Variants in MYO6 observed in about 807,000 individuals in gnomAD.
MYO6 encodes the protein unconventional myosin-VI.
Under a neutral mutation model 178.7 loss-of-function variants are expected in MYO6, and 74 were observed. The observed-to-expected ratio is 0.41, with a 90% confidence interval of 0.34 to 0.50. The LOEUF is 0.50. Among genes scored for constraint, MYO6 ranks in the 20% least tolerant of loss-of-function variants. The probability of loss-of-function intolerance (pLI) is 0.09; values close to 1 mark genes in which losing one functional copy is unlikely to be tolerated. For synonymous variants in MYO6, 477 were observed against 504.6 expected, an observed-to-expected ratio of 0.95 and a Z score of 0.73; for missense variants, 1,330 against 1,547.4, an observed-to-expected ratio of 0.86 and a Z score of 2.36.
At chr6:75,899,852 A>T (rs1290093141) in intron 30 of MYO6, among the ~76,000 whole-genome samples, 1 of 148,702 alleles carries the variant, frequency 6.7e-6, no homozygotes, top group Non-Finnish European at 1.5e-5. Context: ...GTCATCTAGC[A>T]TTAGGTATAT....
At chr6:75,750,143 TG>T (rs1413013721) in intron 1 of MYO6, among the ~76,000 whole-genome samples, 1 of 150,220 alleles carries the variant, frequency 6.7e-6, no homozygotes, top group Non-Finnish European at 1.5e-5. Flanking sequence ...TCGCCCAGGC[TG>T]GAGTGCGGTG....
chr6:75,765,895 G>A (rs1008389936), intron 1 of MYO6, among the ~76,000 whole-genome samples: 5 of 152,042 alleles, frequency 3.3e-5, no homozygotes, highest in Admixed American at 1.3e-4. Flanking sequence ...GGCGTGGTAG[G>A]TGTGTGCCTG....
chr6:75,795,852 T>G (rs1047320403), intron 1 of MYO6, among the ~76,000 whole-genome samples: 7 of 152,204 alleles, frequency 4.6e-5, no homozygotes, highest in African/African-American at 7.2e-5. Flanking sequence ...GTATTTACAT[T>G]CCAACAGATT....
intron 30 of MYO6, among the ~76,000 whole-genome samples, chr6:75,903,131 G>A (rs1430095301): frequency 6.6e-6 from 1 of 152,270 alleles, no homozygotes; most frequent in East Asian, 1.9e-4. Context: ...TTGCTGAGGA[G>A]AGCCTTACTT....
chr6:75,787,558 T>TA (rs1228509572), intron 1 of MYO6, among the ~76,000 whole-genome samples: 1 of 149,216 alleles, frequency 6.7e-6, no homozygotes, highest in Non-Finnish European at 1.5e-5. Flanking sequence ...AGAAATCAGA[T>TA]AAGTGGTGGC....
intron 1 of MYO6, among the ~76,000 whole-genome samples, chr6:75,792,057 G>A (rs1768306587): frequency 6.6e-6 from 1 of 152,178 alleles, no homozygotes; most frequent in Non-Finnish European, 1.5e-5. Context: ...CTGTTATGTG[G>A]CTATGGATGA....
intron 10 of MYO6, 99 bp downstream of exon 10, chr6:75,845,076 A>G (rs1049490539): frequency 9.5e-6 from 9 of 951,654 alleles, no homozygotes; most frequent in East Asian, 2.4e-5. Flanking sequence ...TAAGAGTTCT[A>G]ACTTTTAGGC....
intron 1 of MYO6, among the ~76,000 whole-genome samples, chr6:75,781,091 G>C (rs948044005): frequency 7.2e-5 from 11 of 152,102 alleles, no homozygotes; most frequent in African/African-American, 2.7e-4. Context: ...GGGATTACAG[G>C]CATAAGCCAC....
intron 28 of MYO6, among the ~76,000 whole-genome samples, chr6:75,894,660 C>A (rs1442004230): frequency 6.6e-5 from 10 of 152,178 alleles, no homozygotes; most frequent in Admixed American, 6.5e-4. Context: ...CCTTTGTTAG[C>A]ACTGAGTTTT....
intron 30 of MYO6, among the ~76,000 whole-genome samples, chr6:75,905,570 C>CT (rs1194524202): frequency 6.6e-5 from 10 of 152,246 alleles, no homozygotes; most frequent in African/African-American, 2.4e-4. Context: ...CCTCGCCCTG[C>CT]TTTGGCTGGC....
intron 18 of MYO6, among the ~76,000 whole-genome samples, chr6:75,870,159 C>G (rs1210091642): frequency 1.3e-5 from 2 of 151,892 alleles, no homozygotes; most frequent in Non-Finnish European, 2.9e-5. Context: ...TATAGCTAGG[C>G]AGGACAATTT....
chr6:75,872,466 T>C (rs1228622501), intron 19 of MYO6, among the ~76,000 whole-genome samples: 2 of 152,228 alleles, frequency 1.3e-5, no homozygotes, highest in East Asian at 3.8e-4. Context: ...TTTTGTTTTC[T>C]TTTACACTTT....
intron 1 of MYO6, among the ~76,000 whole-genome samples, chr6:75,788,818 G>A (rs1767944671): frequency 6.6e-6 from 1 of 152,220 alleles, no homozygotes; most frequent in Non-Finnish European, 1.5e-5. Flanking sequence ...GGAACTTGGA[G>A]CAGTTGAGAA....
intron 32 of MYO6, among the ~76,000 whole-genome samples, chr6:75,911,124 T>C (rs1780725736): frequency 6.6e-6 from 1 of 151,996 alleles, no homozygotes; most frequent in Non-Finnish European, 1.5e-5. Flanking sequence ...AATCACCTAG[T>C]AAATATTTAT....
chr6:75,895,156 C>A, intron 28 of MYO6, 75 bp from the exon 29 acceptor site: 3 of 1,158,620 alleles, frequency 2.6e-6, no homozygotes, highest in Non-Finnish European at 3.8e-6. Context: ...GTAATTGAAA[C>A]ACAAATTTGC....
intron 20 of MYO6, among the ~76,000 whole-genome samples, chr6:75,875,777 C>T (rs926974989): frequency 3.3e-5 from 5 of 152,318 alleles, no homozygotes; most frequent in Non-Finnish European, 2.9e-5. Context: ...GTCACCATCT[C>T]TTACCTGGAT....
At chr6:75,810,620 G>C (rs1227469951) in intron 1 of MYO6, among the ~76,000 whole-genome samples, 1 of 152,168 alleles carries the variant, frequency 6.6e-6, no homozygotes, top group East Asian at 1.9e-4. Context: ...CATTCAGTTG[G>C]TTAGGGGCTT....
At chr6:75,786,003 C>T (rs1177347631) in intron 1 of MYO6, among the ~76,000 whole-genome samples, 1 of 151,968 alleles carries the variant, frequency 6.6e-6, no homozygotes, top group South Asian at 2.1e-4. Context: ...GCAACCTCTG[C>T]CTCCCAGGTT....
Position 75,772,226 on chromosome 6 carries a change from A to G in MYO6, c.-48+22803A>G, listed in dbSNP as rs376684016. On this transcript the variant is annotated intron_variant, in intron 1 of 34. Transcript: ENST00000369977. ...CTCTTTTTGTCTCCTGTTTGTCACA[A>G]AGATTCTTCATGTCTTACCTAAATT... Among the ~76,000 whole-genome samples, 9 of 152,210 alleles carry G rather than the reference A, an allele frequency of 5.9e-5. No individual in the cohort carries two copies. In the East Asian group the frequency reaches 1.2e-3, roughly 20 times the overall value.
Sources: allele counts gnomAD v4.1 joint callset (sites outside exome capture counted in the v4.1 genomes callset), GRCh38; gene constraint gnomAD v4.1.1; transcripts MANE v1.5; gene names NCBI Gene and HGNC (gene_info 2026-07-23, HGNC 2026-07-21).